NIBAN1: variants seen among roughly 807,000 people sequenced by gnomAD.
NIBAN1 encodes the protein niban apoptosis regulator 1.
NIBAN1 carries 81 observed loss-of-function variants against 75.1 expected under a neutral mutation model. The observed-to-expected ratio is 1.08, with a 90% confidence interval of 0.90 to 1.30. The LOEUF is 1.30. NIBAN1 is among the 50% of genes most tolerant of loss of function. The pLI is 0.00. For synonymous variants in NIBAN1, 436 were observed against 424.8 expected (o/e 1.03, Z -0.32); for missense variants, 1,133 against 1,128.1 (o/e 1.00, Z -0.06).
chr1:184,860,795 C>A (rs1210678162), intron 5 of NIBAN1, among the ~76,000 whole-genome samples: 2 of 152,190 alleles, frequency 1.3e-5, no homozygotes, highest in Non-Finnish European at 2.9e-5. Flanking sequence ...CTTACAAACA[C>A]CACACCATAA....
intron 5 of NIBAN1, chr1:184,868,058 A>C: frequency 1.0e-6 from 1 of 985,410 alleles, no homozygotes; most frequent in Non-Finnish European, 1.2e-6. Context: ...TCCCACCAGA[A>C]AGGAACTTGG....
chr1:184,878,588 C>T (rs1287692503), intron 5 of NIBAN1, among the ~76,000 whole-genome samples: 4 of 152,264 alleles, frequency 2.6e-5, no homozygotes, highest in East Asian at 3.9e-4. Context: ...TACAATTTAT[C>T]GAGAAGCCAG....
chr1:184,898,116 C>T (rs1656852188), intron 2 of NIBAN1, among the ~76,000 whole-genome samples: 1 of 152,196 alleles, frequency 6.6e-6, no homozygotes, highest in African/African-American at 2.4e-5. Context: ...ATCTGTCTCT[C>T]TGCTGTCATT....
At chr1:184,930,144 G>A (rs1301523996) in intron 1 of NIBAN1, among the ~76,000 whole-genome samples, 5 of 152,232 alleles carry the variant, frequency 3.3e-5, no homozygotes, top group Admixed American at 1.3e-4. Flanking sequence ...CCAGTTTGCC[G>A]AGCTTTCCTT....
intron 6 of NIBAN1, among the ~76,000 whole-genome samples, chr1:184,830,540 A>T (rs1362901662): frequency 6.6e-6 from 1 of 152,202 alleles, no homozygotes; most frequent in East Asian, 1.9e-4. Context: ...TGGTAAACAC[A>T]TGTTTTCATA....
At chr1:184,970,561 T>G (rs1012078746) in intron 1 of NIBAN1, among the ~76,000 whole-genome samples, 1 of 152,318 alleles carries the variant, frequency 6.6e-6, no homozygotes, top group African/African-American at 2.4e-5. Context: ...GAAAAATATG[T>G]GCTATTTTAA....
At chr1:184,816,089 T>C (rs1400485259) in intron 9 of NIBAN1, among the ~76,000 whole-genome samples, 1 of 152,194 alleles carries the variant, frequency 6.6e-6, no homozygotes, top group Non-Finnish European at 1.5e-5. Context: ...CTGTAGGGGA[T>C]TAATGAAAAG....
intron 2 of NIBAN1, among the ~76,000 whole-genome samples, 171 bp from the exon 3 acceptor site, chr1:184,894,377 T>C (rs907725839): frequency 2.0e-5 from 3 of 152,224 alleles, no homozygotes; most frequent in Admixed American, 6.5e-5. Context: ...CCTACTCCAC[T>C]TGACCCAATG....
intron 1 of NIBAN1, among the ~76,000 whole-genome samples, chr1:184,907,840 C>T (rs1460008399): frequency 2.0e-5 from 3 of 152,140 alleles, no homozygotes; most frequent in Non-Finnish European, 4.4e-5. Flanking sequence ...AAATGATTCA[C>T]GGATAGCCTT....
At position 184,795,256 on chromosome 1, in the gene NIBAN1, C is replaced by T. The variant is rs769868333; in HGVS notation, c.2508G>A (p.Gly836=). ...EGRGGKCTEE[G]DASQQEGCTL... ...TGCAGCCCTCTTGCTGTGAGGCATC[C>T]CCTTCCTCGGTACACTTGCCCCCTC... Residue 836 remains glycine (G), a synonymous_variant, in exon 14 of 14, where the codon GGG becomes GGA. Transcript: ENST00000367511. The T allele has an allele frequency of 1.9e-6, 3 of 1,613,444 alleles. No individual in the cohort carries two copies. The highest frequency in any genetic ancestry group is 2.5e-6 in the Non-Finnish European group (3 of 1,180,036).
chr1:184,962,248 A>G (rs191991246), intron 1 of NIBAN1, among the ~76,000 whole-genome samples: 1 of 151,966 alleles, frequency 6.6e-6, no homozygotes, highest in Non-Finnish European at 1.5e-5. Context: ...GATTTTAAAA[A>G]CAGTTTGTTC....
intron 1 of NIBAN1, among the ~76,000 whole-genome samples, chr1:184,938,874 A>G (rs1658024052): frequency 6.6e-6 from 1 of 152,246 alleles, no homozygotes; most frequent in Non-Finnish European, 1.5e-5. Context: ...TTGCTCCAGT[A>G]ATCATGGCCG....
intron 12 of NIBAN1, among the ~76,000 whole-genome samples, chr1:184,798,673 C>T (rs1439012223): frequency 6.6e-6 from 1 of 152,114 alleles, no homozygotes; most frequent in African/African-American, 2.4e-5. Context: ...ATAAGTTCAG[C>T]TCAATGATTT....
chr1:184,808,122 G>A lies in NIBAN1; in HGVS notation c.1287C>T (p.Phe429=). 3 of 1,614,034 alleles carry A rather than the reference G, an allele frequency of 1.9e-6. No homozygotes were observed. The highest frequency in any genetic ancestry group is 8.5e-7 in the Non-Finnish European group (1 of 1,179,982). Residue 429 remains phenylalanine (F), a synonymous_variant, in exon 10 of 14, where the codon TTC becomes TTT. Transcript: ENST00000367511. ...RLQDLKSRFR[F]PHIDLVVQRT... ...TCTGAACCACCAGATCAATGTGGGG[G>A]AATCTGAAGCGGCTCTTGAGATCCT...
chr1:184,955,646 C>G (rs138089722), intron 1 of NIBAN1, among the ~76,000 whole-genome samples: 1 of 152,110 alleles, frequency 6.6e-6, no homozygotes, highest in Non-Finnish European at 1.5e-5. Flanking sequence ...CTCAACTTTT[C>G]TTACATAAAG....
intron 1 of NIBAN1, among the ~76,000 whole-genome samples, chr1:184,937,987 A>G (rs1658004076): frequency 6.6e-6 from 1 of 152,228 alleles, no homozygotes; most frequent in African/African-American, 2.4e-5. Flanking sequence ...GTAGAGGTTT[A>G]TCAGGCCAGC....
intron 1 of NIBAN1, among the ~76,000 whole-genome samples, chr1:184,944,473 A>G (rs557439158): frequency 6.6e-6 from 1 of 152,246 alleles, no homozygotes; most frequent in South Asian, 2.1e-4. Flanking sequence ...ATATTGGGAA[A>G]GTGAACAGCT....
chr1:184,890,891 C>T (rs1183042587), intron 3 of NIBAN1, among the ~76,000 whole-genome samples: 1 of 152,132 alleles, frequency 6.6e-6, no homozygotes, highest in African/African-American at 2.4e-5. Flanking sequence ...TTGGTAAGCA[C>T]CTATGCCCAC....
At chr1:184,921,868 G>T (rs754565508) in intron 1 of NIBAN1, among the ~76,000 whole-genome samples, 1 of 152,116 alleles carries the variant, frequency 6.6e-6, no homozygotes, top group Non-Finnish European at 1.5e-5. Context: ...TTTTCAGCAC[G>T]TAGGCTCAAC....
Sources: allele counts gnomAD v4.1 joint callset (sites outside exome capture counted in the v4.1 genomes callset), GRCh38; gene constraint gnomAD v4.1.1; transcripts MANE v1.5; gene names NCBI Gene and HGNC (gene_info 2026-07-23, HGNC 2026-07-21).